Variants in PPP2R5A observed in about 807,000 individuals in gnomAD.
PPP2R5A encodes protein phosphatase 2 regulatory subunit B'alpha.
PPP2R5A carries 25 observed loss-of-function variants against 64.2 expected under a neutral mutation model. That is an observed-to-expected ratio of 0.39 (90% confidence interval 0.28 to 0.54). The LOEUF is 0.54. Among genes scored for constraint, PPP2R5A ranks in the 20% least tolerant of loss-of-function variants. PPP2R5A has a pLI of 0.67. For missense variants in PPP2R5A, 425 were observed against 576.3 expected (o/e 0.74, Z 2.69); for synonymous variants, 198 against 201.2 (o/e 0.98, Z 0.13).
intron 7 of PPP2R5A, 135 bp downstream of exon 7, chr1:212,348,632 AT>A: frequency 1.6e-6 from 1 of 636,304 alleles, no homozygotes; most frequent in Non-Finnish European, 2.6e-6. Flanking sequence ...CCCAAAGCAA[AT>A]TTTTCTTATT....
At chr1:212,322,755 T>TTTTTTTTATTTATTTA (rs1553275151) in intron 1 of PPP2R5A, among the ~76,000 whole-genome samples, 1 of 147,010 alleles carries the variant, frequency 6.8e-6, no homozygotes, top group Non-Finnish European at 1.5e-5. Context: ...TTAATTCTCA[T>TTTTTTTTATTTATTTA]TTTATTTATT....
chr1:212,326,637 G>A (rs1427257447), intron 1 of PPP2R5A, among the ~76,000 whole-genome samples: 1 of 152,020 alleles, frequency 6.6e-6, no homozygotes. Context: ...TACCAAATTG[G>A]TAGTAAAAAA....
At position 212,329,118 on chromosome 1, in the gene PPP2R5A, T is replaced by C. The variant is rs2102432725; in HGVS notation, c.182-17T>C. On this transcript the variant is annotated splice_polypyrimidine_tract_variant and intron_variant, in intron 1 of 12. Transcript: ENST00000261461. ...TGAGTAGGTTATTTCTAAGTTTTTCTTTATTTTTATTTATAGATGCCACTT... is the reference window on the plus strand; with the variant it reads ...TGAGTAGGTTATTTCTAAGTTTTTCCTTATTTTTATTTATAGATGCCACTT... The C allele has an allele frequency of 6.8e-6, 10 of 1,460,026 alleles. No individual in the cohort carries two copies. The East Asian group carries it at 2.4e-4, about 36-fold the overall frequency. 90.4% of individuals were successfully genotyped at this position (1,460,026 alleles called of 1,614,324 possible).
chr1:212,295,189 G>T (rs2102411451), intron 1 of PPP2R5A, among the ~76,000 whole-genome samples: 1 of 152,296 alleles, frequency 6.6e-6, no homozygotes, highest in African/African-American at 2.4e-5. Flanking sequence ...AGTAACACTA[G>T]TGAGGATACT....
intron 6 of PPP2R5A, 136 bp downstream of exon 6, chr1:212,347,542 CTTT>C (rs11290098): frequency 1.2e-3 from 580 of 477,582 alleles, no homozygotes; most frequent in East Asian, 1.5e-3. Context: ...CAACTGAAGT[CTTT>C]TTTTTTTTTT....
chr1:212,318,059 G>C (rs1659192677), intron 1 of PPP2R5A, among the ~76,000 whole-genome samples: 1 of 152,206 alleles, frequency 6.6e-6, no homozygotes, highest in African/African-American at 2.4e-5. Flanking sequence ...GTTTTAAAAG[G>C]TATGTTAATA....
chr1:212,302,217 A>G lies in PPP2R5A; in HGVS notation c.181+15926A>G, dbSNP rs1201624038. On this transcript the variant is annotated intron_variant, in intron 1 of 12. Transcript: ENST00000261461. ...TACAAGCAAAACCACATTACAGGGG[A>G]AAACTACAAATTATCTTACTGTATT... 9.3e-6 allele frequency: 8 copies of G among 860,626 alleles called. No individual in the cohort carries two copies. In the Admixed American group the frequency reaches 2.0e-4, roughly 21 times the overall value. The allele number at this position is 860,626 out of a possible 1,614,324, so 53.3% of individuals were successfully genotyped here.
intron 1 of PPP2R5A, among the ~76,000 whole-genome samples, chr1:212,307,559 A>G (rs756968259): frequency 6.6e-6 from 1 of 152,270 alleles, no homozygotes; most frequent in Admixed American, 6.5e-5. Context: ...TTACATTTCT[A>G]TGTATCAACC....
At chr1:212,356,824 ACT>A (rs1262304539) in intron 9 of PPP2R5A, 124 bp from the exon 10 acceptor site, 4 of 1,266,086 alleles carry the variant, frequency 3.2e-6, no homozygotes, top group African/African-American at 3.0e-5. Context: ...GCTATAGTAA[ACT>A]CTGCCATCCA....
At chr1:212,316,202 T>C (rs976117477) in intron 1 of PPP2R5A, among the ~76,000 whole-genome samples, 1 of 152,154 alleles carries the variant, frequency 6.6e-6, no homozygotes, top group African/African-American at 2.4e-5. Context: ...GAGGAAGGCA[T>C]GTTGAAAGCT....
chr1:212,334,652 G>A (rs1659560643), intron 3 of PPP2R5A, among the ~76,000 whole-genome samples: 1 of 152,120 alleles, frequency 6.6e-6, no homozygotes, highest in South Asian at 2.1e-4. Flanking sequence ...GAGTTTTGCT[G>A]GATGTAGAAT....
At chr1:212,320,891 T>A (rs1419736304) in intron 1 of PPP2R5A, among the ~76,000 whole-genome samples, 2 of 87,628 alleles carry the variant, frequency 2.3e-5, no homozygotes, top group African/African-American at 8.8e-5. Context: ...GGCGGCCAGG[T>A]AGAGGCGCCC....
chr1:212,356,840 A>T lies in PPP2R5A; in HGVS notation c.979-110A>T, dbSNP rs12068496. On this transcript the variant is annotated intron_variant, in intron 9 of 12. Transcript: ENST00000261461. Reference sequence around the variant, plus strand: ...CTATAGTAAACTCTGCCATCCAGACATTTTTTTGCTTATTGTATACTATGC... The same window carrying T: ...CTATAGTAAACTCTGCCATCCAGACTTTTTTTTGCTTATTGTATACTATGC... 26,212 of 1,274,950 alleles carry T rather than the reference A, an allele frequency of 0.021. 3,730 individuals are homozygous for T. In the African/African-American group the frequency reaches 0.33, roughly 16 times the overall value. The allele number at this position is 1,274,950 out of a possible 1,614,324, so 79.0% of individuals were successfully genotyped here.
At chr1:212,351,190 T>G (rs1312445470) in intron 8 of PPP2R5A, among the ~76,000 whole-genome samples, 2 of 151,256 alleles carry the variant, frequency 1.3e-5, no homozygotes, top group Non-Finnish European at 2.9e-5. Flanking sequence ...TTTGGCTGAG[T>G]TGGGTTAATG....
Position 212,329,254 on chromosome 1 carries a change from C to G in PPP2R5A, c.301C>G (p.Leu101Val). The change falls in exon 2 of 13, where the codon CTG becomes GTG. Residue 101 changes from leucine to valine, a missense_variant. Around this residue, in one of 4 missense-constraint regions of PPP2R5A, gnomAD observed 140 missense variants for 204.4 expected, o/e 0.68. Transcript: ENST00000261461. ...LKSKEIKRAT[L>V]NELVEYVSTN... is the part of the protein sequence containing the mutation. ...GAGCAAAGAAATTAAAAGAGCAACA[C>G]TGAATGAACTGGTTGAGTATGTTTC... is the stretch of plus-strand genomic sequence containing the variant. The G allele has an allele frequency of 6.2e-7, 1 of 1,612,886 alleles. No homozygotes were observed. Among genetic ancestry groups the G allele is most frequent in the Non-Finnish European group, 8.5e-7 (1 of 1,179,662 alleles).
intron 1 of PPP2R5A, among the ~76,000 whole-genome samples, chr1:212,309,827 A>G (rs909313188): frequency 4.6e-5 from 7 of 152,220 alleles, no homozygotes; most frequent in African/African-American, 1.7e-4. Flanking sequence ...GCTAAAAGAA[A>G]AAAAAAAGTT....
intron 8 of PPP2R5A, among the ~76,000 whole-genome samples, chr1:212,354,973 C>T (rs928016880): frequency 2.3e-4 from 35 of 152,124 alleles, no homozygotes; most frequent in Admixed American, 2.2e-3. Flanking sequence ...TTTAAGTACA[C>T]CCTGTGACAT....
chr1:212,346,984 C>T (rs569987199), intron 5 of PPP2R5A, among the ~76,000 whole-genome samples: 1 of 152,280 alleles, frequency 6.6e-6, no homozygotes, highest in East Asian at 1.9e-4. Context: ...GGCTTTATTA[C>T]ATATGGGTCT....
At chr1:212,347,991 G>C (rs1659813337) in intron 6 of PPP2R5A, among the ~76,000 whole-genome samples, 1 of 152,142 alleles carries the variant, frequency 6.6e-6, no homozygotes. Flanking sequence ...TGATTGTGGA[G>C]AGAACTACTT....
Sources: allele counts gnomAD v4.1 joint callset (sites outside exome capture counted in the v4.1 genomes callset), GRCh38; gene constraint gnomAD v4.1.1; regional missense constraint gnomAD v4.1.1; transcripts MANE v1.5; gene names NCBI Gene and HGNC (gene_info 2026-07-23, HGNC 2026-07-21).